Variants in CCSER2 observed in about 807,000 individuals in gnomAD.
CCSER2 encodes the protein serine-rich coiled-coil domain-containing protein 2.
Under a neutral mutation model 92.3 loss-of-function variants are expected in CCSER2, and 46 were observed. The ratio of observed to expected loss-of-function variants is 0.50; its 90% CI spans 0.39 to 0.64. CCSER2 has a LOEUF of 0.64. Among genes scored for constraint, CCSER2 ranks in the 30% least tolerant of loss-of-function variants. The pLI is 0.00. For synonymous variants in CCSER2, 433 were observed against 431.4 expected, an observed-to-expected ratio of 1.00 and a Z score of -0.04; for missense variants, 1,244 against 1,238.9, an observed-to-expected ratio of 1.00 and a Z score of -0.06.
chr10:84,398,492 T>C (rs1462705162), intron 3 of CCSER2, among the ~76,000 whole-genome samples: 1 of 152,228 alleles, frequency 6.6e-6, no homozygotes, highest in African/African-American at 2.4e-5. Context: ...GAAGCCATAA[T>C]TTTAGCATGG....
intron 6 of CCSER2, 106 bp downstream of exon 6, chr10:84,438,813 G>A (rs940801632): frequency 2.9e-6 from 2 of 682,648 alleles, no homozygotes; most frequent in Non-Finnish European, 2.4e-6. Flanking sequence ...TGTCTTTTTA[G>A]ATTTCTGTAG....
intron 3 of CCSER2, among the ~76,000 whole-genome samples, chr10:84,417,217 G>A (rs1842930143): frequency 6.6e-6 from 1 of 152,204 alleles, no homozygotes; most frequent in Non-Finnish European, 1.5e-5. Context: ...AGCCAGCAGG[G>A]ACTGCATATG....
At chr10:84,398,754 CAG>C (rs1340082209) in intron 3 of CCSER2, among the ~76,000 whole-genome samples, 1 of 152,000 alleles carries the variant, frequency 6.6e-6, no homozygotes, top group African/African-American at 2.4e-5. Flanking sequence ...TAATAATTCA[CAG>C]GGAATACAAT....
chr10:84,402,530 C>A (rs973061026), intron 3 of CCSER2, among the ~76,000 whole-genome samples: 8 of 152,134 alleles, frequency 5.3e-5, no homozygotes, highest in Admixed American at 4.6e-4. Context: ...TCAGTATAAT[C>A]TATCATGTTA....
At chr10:84,330,742 G>A (rs756403068) in intron 1 of CCSER2, among the ~76,000 whole-genome samples, 9 of 151,962 alleles carry the variant, frequency 5.9e-5, no homozygotes, top group Non-Finnish European at 1.0e-4. Flanking sequence ...TCCTGACCTC[G>A]TGATCCGCCC....
At chr10:84,475,716 G>A (rs779560892) in intron 8 of CCSER2, among the ~76,000 whole-genome samples, 8 of 152,180 alleles carry the variant, frequency 5.3e-5, no homozygotes, top group East Asian at 3.9e-4. Context: ...AAGTGTTTTC[G>A]TTACGATAGT....
chr10:84,518,016 A>G lies in CCSER2; in HGVS notation c.*3749A>G, dbSNP rs903181220. On this transcript the variant is annotated 3_prime_UTR_variant, in exon 10 of 10. Transcript: ENST00000372088. Reference sequence around the variant, plus strand: ...AATTCGTTTGGGTGGTTATGTTTGCATGCTTAAGCACACATTTGAAAATTA... The same window carrying G: ...AATTCGTTTGGGTGGTTATGTTTGCGTGCTTAAGCACACATTTGAAAATTA... 6.6e-6 allele frequency: 1 copy of G among 152,214 alleles called. No individual in the cohort carries two copies. Among genetic ancestry groups the G allele is most frequent in the South Asian group, 2.1e-4 (1 of 4,830 alleles). 9.4% of individuals were successfully genotyped at this position (152,214 alleles called of 1,614,324 possible). A position where few individuals can be genotyped will look rare whatever the true frequency, so the allele number is the denominator to read the frequency against.
chr10:84,502,216 A>G (rs568699944), intron 9 of CCSER2, among the ~76,000 whole-genome samples: 4 of 152,056 alleles, frequency 2.6e-5, no homozygotes, highest in African/African-American at 4.8e-5. Context: ...TTCTTTTCCT[A>G]TACTAAACTT....
chr10:84,345,073 A>G (rs913896700), intron 1 of CCSER2, among the ~76,000 whole-genome samples: 3 of 152,218 alleles, frequency 2.0e-5, no homozygotes, highest in African/African-American at 7.2e-5. Context: ...GAAGAGTGAT[A>G]TGATCGGAAT....
intron 7 of CCSER2, 146 bp from the exon 8 acceptor site, chr10:84,470,226 G>A (rs1488819524): frequency 3.1e-5 from 12 of 384,766 alleles, no homozygotes; most frequent in Non-Finnish European, 3.5e-5. Context: ...CTTCATTACC[G>A]GATGAAATCT....
At position 84,377,064 on chromosome 10, in the gene CCSER2, T is replaced by C. The variant is rs991259407; in HGVS notation, c.1614+3249T>C. On this transcript the variant is annotated intron_variant, in intron 3 of 9. Coordinates refer to ENST00000372088, the MANE Select transcript of CCSER2 (RefSeq NM_001284240.2). ...ATATTTTTTGACATAAATATTTATTTTATATCAATATGTAGATGTTTGTAT... is the reference window on the plus strand; with the variant it reads ...ATATTTTTTGACATAAATATTTATTCTATATCAATATGTAGATGTTTGTAT... Among the ~76,000 whole-genome samples the C allele has an allele frequency of 3.3e-5, 5 of 152,184 alleles. No homozygotes were observed. The South Asian group carries it at 6.2e-4, about 19-fold the overall frequency.
At chr10:84,449,774 G>A (rs1013162333) in intron 6 of CCSER2, among the ~76,000 whole-genome samples, 2 of 152,128 alleles carry the variant, frequency 1.3e-5, no homozygotes, top group African/African-American at 2.4e-5. Context: ...TTGAACCCAG[G>A]AGGCAGAGGT....
chr10:84,429,400 G>A (rs944637490), intron 5 of CCSER2, among the ~76,000 whole-genome samples: 2 of 152,040 alleles, frequency 1.3e-5, no homozygotes, highest in African/African-American at 4.8e-5. Context: ...TATATTGTAG[G>A]GAAGGTGTGT....
At chr10:84,373,527 T>A in intron 2 of CCSER2, 92 bp from the exon 3 acceptor site, 1 of 971,194 alleles carries the variant, frequency 1.0e-6, no homozygotes, top group Non-Finnish European at 1.5e-6. Context: ...CCAGCTTTTT[T>A]GCTATGATAT....
At position 84,502,697 on chromosome 10, in the gene CCSER2, T is replaced by C. The variant is rs563634938; in HGVS notation, c.2326-10752T>C. ...CTTTGATGACTTCTTGAACATCAGC[T>C]TGAGGGAACTGCCTTTATCCTCTAA... On this transcript the variant is annotated intron_variant, in intron 9 of 9. Coordinates refer to ENST00000372088, the MANE Select transcript of CCSER2 (RefSeq NM_001284240.2). 4.6e-5 allele frequency among the ~76,000 whole-genome samples: 7 copies of C among 152,114 alleles called. No individual in the cohort carries two copies. The South Asian group carries it at 1.5e-3, about 32-fold the overall frequency.
At chr10:84,480,196 C>T (rs569957511) in intron 9 of CCSER2, among the ~76,000 whole-genome samples, 15 of 152,172 alleles carry the variant, frequency 9.9e-5, no homozygotes, top group African/African-American at 3.6e-4. Context: ...AGGTGTGCAC[C>T]ACCATGCCTG....
intron 8 of CCSER2, among the ~76,000 whole-genome samples, chr10:84,471,394 C>G (rs956457610): frequency 6.6e-6 from 1 of 151,962 alleles, no homozygotes; most frequent in African/African-American, 2.4e-5. Flanking sequence ...AGAACCCAAT[C>G]AACTTTCAGG....
chr10:84,359,087 C>T (rs1256822040), intron 1 of CCSER2, among the ~76,000 whole-genome samples: 1 of 152,122 alleles, frequency 6.6e-6, no homozygotes, highest in Non-Finnish European at 1.5e-5. Context: ...TGACTCAAGA[C>T]CAGGAATATC....
In CCSER2 at chr10:84,474,554, A is replaced by C. The variant is rs1476344898; in HGVS notation, c.2236-3021A>C. On this transcript the variant is annotated intron_variant, in intron 8 of 9. Coordinates refer to ENST00000372088, the MANE Select transcript of CCSER2 (RefSeq NM_001284240.2). ...CACATGCCTGTAGTCTCAGCTACTC[A>C]GGAGGCTGAGACAGGAGAATCACTT... Among the ~76,000 whole-genome samples the C allele has an allele frequency of 2.6e-5, 4 of 151,536 alleles. No individual in the cohort carries two copies. In the East Asian group the frequency reaches 7.8e-4, roughly 30 times the overall value.
Sources: allele counts gnomAD v4.1 joint callset (sites outside exome capture counted in the v4.1 genomes callset), GRCh38; gene constraint gnomAD v4.1.1; transcripts MANE v1.5; gene names NCBI Gene and HGNC (gene_info 2026-07-23, HGNC 2026-07-21).